Variants in PDE4D observed in about 807,000 individuals in gnomAD.
PDE4D encodes 3',5'-cyclic-AMP phosphodiesterase 4D.
PDE4D carries 24 observed loss-of-function variants against 87.4 expected under a neutral mutation model. That is an observed-to-expected ratio of 0.27 (90% CI 0.20 to 0.39). PDE4D has a LOEUF of 0.39. Among genes scored for constraint, PDE4D ranks in the 10% least tolerant of loss-of-function variants. PDE4D has a pLI of 1.00. For synonymous variants in PDE4D, 384 were observed against 383.2 expected, an observed-to-expected ratio of 1.00 and a Z score of -0.02; for missense variants, 714 against 1,041.0, an observed-to-expected ratio of 0.69 and a Z score of 4.32.
intron 1 of PDE4D, among the ~76,000 whole-genome samples, chr5:60,410,065 C>G (rs1362271119): frequency 6.6e-6 from 1 of 152,138 alleles, no homozygotes; most frequent in Non-Finnish European, 1.5e-5. Context: ...AGGGAGGCCT[C>G]GATGTTTAGC....
At chr5:60,269,597 A>G (rs987186992) in intron 1 of PDE4D, among the ~76,000 whole-genome samples, 3 of 152,220 alleles carry the variant, frequency 2.0e-5, no homozygotes, top group Non-Finnish European at 4.4e-5. Context: ...TTTTTGGGCA[A>G]GAAAATAGCA....
intron 2 of PDE4D, among the ~76,000 whole-genome samples, chr5:60,121,471 T>A (rs1052032154): frequency 2.0e-5 from 3 of 152,044 alleles, no homozygotes; most frequent in Non-Finnish European, 4.4e-5. Flanking sequence ...GGCCTCACAA[T>A]CATGGCAGGA....
rs1235308746 is a variant in PDE4D at position 60,145,675 on chromosome 5, C to A, written c.42+39882G>T. On this transcript the variant is annotated intron_variant, in intron 2 of 16. Transcript: ENST00000502484. ...CAGAGAGCCTTTCAGATATCCAGTA[C>A]TCAGGATACTTGGAGAAATAACAAA... is the stretch of plus-strand genomic sequence containing the variant. 2.6e-5 allele frequency among the ~76,000 whole-genome samples: 4 copies of A among 152,232 alleles called. No homozygotes were observed. In the East Asian group the frequency reaches 5.8e-4, roughly 22 times the overall value.
chr5:60,241,318 G>GGC (rs913042214), intron 1 of PDE4D, among the ~76,000 whole-genome samples: 1 of 140,780 alleles, frequency 7.1e-6, no homozygotes, highest in African/African-American at 2.6e-5. Flanking sequence ...CTGTCACCCA[G>GGC]GCTGGAGGGT....
intron 1 of PDE4D, among the ~76,000 whole-genome samples, chr5:60,365,655 C>G (rs1760461485): frequency 6.6e-6 from 1 of 152,084 alleles, no homozygotes; most frequent in South Asian, 2.1e-4. Flanking sequence ...CACTCTTGTA[C>G]CAAGGGCGCT....
intron 2 of PDE4D, among the ~76,000 whole-genome samples, chr5:59,989,784 T>C (rs780149178): frequency 1.3e-5 from 2 of 152,174 alleles, no homozygotes; most frequent in Non-Finnish European, 2.9e-5. Flanking sequence ...ATTTATTATA[T>C]CCACATACTG....
chr5:59,008,347 CAA>C (rs1226273283), intron 6 of PDE4D, among the ~76,000 whole-genome samples: 2 of 152,036 alleles, frequency 1.3e-5, no homozygotes, highest in African/African-American at 2.4e-5. Flanking sequence ...ACAATTTAAA[CAA>C]AGAGAATATC....
Position 60,474,105 on chromosome 5 carries a change from CATATATATATATATATAT to C in PDE4D, c.-90+13819_-90+13836del, listed in dbSNP as rs1158022321. 2.9e-3 allele frequency among the ~76,000 whole-genome samples: 91 copies of C among 31,004 alleles called. 3 individuals are homozygous for C. The highest frequency in any genetic ancestry group is 0.012 in the South Asian group (8 of 656). The allele number at this position is 31,004 out of a possible 152,430, so 20.3% of individuals were successfully genotyped here. ...TACTGTCTCAGTCCCTTTGAGCTGC[CATATATATATATATATAT>C]ATATATATATATATATATATATATA... On this transcript the variant is annotated intron_variant, in intron 1 of 16. Coordinates refer to the PDE4D transcript ENST00000502484.
intron 1 of PDE4D, among the ~76,000 whole-genome samples, chr5:60,341,372 T>C (rs1758302651): frequency 6.6e-6 from 1 of 152,186 alleles, no homozygotes; most frequent in South Asian, 2.1e-4. Flanking sequence ...ACGGTGACTG[T>C]GACCATGCCC....
intron 1 of PDE4D, among the ~76,000 whole-genome samples, chr5:59,449,828 A>T (rs555649358): frequency 6.6e-6 from 1 of 152,298 alleles, no homozygotes; most frequent in South Asian, 2.1e-4. Context: ...CTCCACTACA[A>T]AACAGGGAGG....
chr5:60,360,992 C>A (rs1337537750), intron 1 of PDE4D, among the ~76,000 whole-genome samples: 1 of 152,198 alleles, frequency 6.6e-6, no homozygotes, highest in African/African-American at 2.4e-5. Context: ...ACATCACTAT[C>A]GCCAGTGCTA....
intron 1 of PDE4D, among the ~76,000 whole-genome samples, chr5:59,222,141 C>T (rs913092161): frequency 1.6e-4 from 25 of 152,140 alleles, no homozygotes; most frequent in Admixed American, 6.6e-5. Flanking sequence ...CTAATTACTC[C>T]CAGTTCTCCA....
chr5:59,302,161 G>T (rs1405245732), intron 1 of PDE4D, among the ~76,000 whole-genome samples: 1 of 152,110 alleles, frequency 6.6e-6, no homozygotes, highest in African/African-American at 2.4e-5. Context: ...GCCCCTGACA[G>T]ATATTAGCAA....
intron 1 of PDE4D, among the ~76,000 whole-genome samples, chr5:59,812,839 A>T (rs536803939): frequency 6.6e-6 from 1 of 152,336 alleles, no homozygotes; most frequent in East Asian, 1.9e-4. Context: ...CAGCTCAAAC[A>T]GCTGTCTCTG....
intron 4 of PDE4D, among the ~76,000 whole-genome samples, chr5:59,182,017 C>T (rs943813162): frequency 3.9e-5 from 6 of 152,080 alleles, no homozygotes; most frequent in Admixed American, 1.3e-4. Flanking sequence ...CAGCCTCTGG[C>T]TCCCTTTCAT....
At chr5:60,174,485 C>A (rs909305518) in intron 2 of PDE4D, among the ~76,000 whole-genome samples, 2 of 151,994 alleles carry the variant, frequency 1.3e-5, no homozygotes, top group Non-Finnish European at 2.9e-5. Context: ...AATTGACTAA[C>A]CCTCTGAGGC....
intron 5 of PDE4D, among the ~76,000 whole-genome samples, chr5:59,082,070 C>G (rs1483885778): frequency 6.6e-6 from 1 of 152,142 alleles, no homozygotes; most frequent in African/African-American, 2.4e-5. Context: ...TCTCCCCAGC[C>G]ATGCAGAACT....
Position 59,744,771 on chromosome 5 carries a change from G to A in PDE4D, c.455+148397C>T, listed in dbSNP as rs144591198. Among the ~76,000 whole-genome samples the A allele has an allele frequency of 9.4e-3, 1,426 of 152,234 alleles. 74 individuals are homozygous for A. The highest frequency in any genetic ancestry group is 0.083 in the Admixed American group (1,263 of 15,280). On this transcript the variant is annotated intron_variant, in intron 1 of 14. Transcript: ENST00000340635. ...GAAAATGAAGGGTGAGTAGCATTGGGTCATAATAATAGTAATCACATATCA... is the reference window on the plus strand; with the variant it reads ...GAAAATGAAGGGTGAGTAGCATTGGATCATAATAATAGTAATCACATATCA...
At chr5:60,312,792 C>T (rs920754163) in intron 1 of PDE4D, among the ~76,000 whole-genome samples, 2 of 152,142 alleles carry the variant, frequency 1.3e-5, no homozygotes, top group African/African-American at 4.8e-5. Flanking sequence ...CATACAATTA[C>T]ATGAAAAATA....
Sources: allele counts gnomAD v4.1 joint callset (sites outside exome capture counted in the v4.1 genomes callset), GRCh38; gene constraint gnomAD v4.1.1; transcripts MANE v1.5; gene names NCBI Gene and HGNC (gene_info 2026-07-23, HGNC 2026-07-21).